Variants in GRIN1 observed in about 807,000 individuals in gnomAD.
The protein encoded by GRIN1 is glutamate receptor ionotropic, NMDA 1.
GRIN1 carries 38 observed loss-of-function variants against 103.0 expected under a neutral mutation model. That is an observed-to-expected ratio of 0.37 (90% CI 0.28 to 0.48). The LOEUF is 0.48. Among genes scored for constraint, GRIN1 ranks in the 20% least tolerant of loss-of-function variants. The pLI is 0.98. For synonymous variants in GRIN1, 544 were observed against 532.7 expected (o/e 1.02, Z -0.29); for missense variants, 577 against 1,288.9 (o/e 0.45, Z 8.46).
chr9:137,160,523 G>A (rs532203567), intron 8 of GRIN1, among the ~76,000 whole-genome samples: 1 of 152,052 alleles, frequency 6.6e-6, no homozygotes, highest in African/African-American at 2.4e-5. Flanking sequence ...TCCGCCTCCC[G>A]GGTTCACGCC....
intron 8 of GRIN1, 120 bp downstream of exon 8, chr9:137,158,824 G>T: frequency 1.3e-6 from 1 of 768,224 alleles, no homozygotes; most frequent in Non-Finnish European, 2.3e-6. Context: ...GTGGGGGTGG[G>T]GCCTGCTTCC....
chr9:137,150,970 G>A (rs1464866666), intron 4 of GRIN1, among the ~76,000 whole-genome samples: 2 of 97,404 alleles, frequency 2.1e-5, no homozygotes, highest in Non-Finnish European at 2.0e-5. Context: ...CCCAGGGAAA[G>A]CCCAGCCCAG....
intron 4 of GRIN1, among the ~76,000 whole-genome samples, chr9:137,151,442 GAGAAAGCCCAACCCAGA>G (rs1171698867): frequency 1.4e-5 from 2 of 142,222 alleles, no homozygotes; most frequent in Non-Finnish European, 3.0e-5. Context: ...GACCAGCCCA[GAGAAAGCCCAACCCAGA>G]AGAAAGCCCC....
chr9:137,167,590 G>A lies in GRIN1; in HGVS notation c.*63G>A. 1 of 1,434,122 alleles carries A rather than the reference G, an allele frequency of 7.0e-7. No homozygotes were observed. The highest frequency in any genetic ancestry group is 3.1e-5 in the East Asian group (1 of 32,590). 88.8% of individuals were successfully genotyped at this position (1,434,122 alleles called of 1,614,324 possible). On this transcript the variant is annotated 3_prime_UTR_variant, in exon 20 of 20. Coordinates refer to ENST00000371561, the MANE Select transcript of GRIN1 (RefSeq NM_007327.4). ...GACAGACAGACAGACGGACGGGACAGCGGCCCGGCCCACGCAGAGCCCCGG... is the reference window on the plus strand; with the variant it reads ...GACAGACAGACAGACGGACGGGACAACGGCCCGGCCCACGCAGAGCCCCGG...
chr9:137,154,120 TTCTTTTTTTTTTG>T (rs1364216651), intron 4 of GRIN1, among the ~76,000 whole-genome samples: 1 of 149,084 alleles, frequency 6.7e-6, no homozygotes, highest in East Asian at 2.0e-4. Flanking sequence ...CTTTTTTTTT[TTCTTTTTTTTTTG>T]TGTGTGTGTG....
chr9:137,166,533 G>T (rs1833886720), intron 19 of GRIN1, among the ~76,000 whole-genome samples: 1 of 152,126 alleles, frequency 6.6e-6, no homozygotes, highest in South Asian at 2.1e-4. Flanking sequence ...TGCACTGGAA[G>T]CGGGGCAGAC....
At chr9:137,156,580 C>T (rs961833893) in intron 4 of GRIN1, 89 bp from the exon 5 acceptor site, 2 of 1,525,922 alleles carry the variant, frequency 1.3e-6, no homozygotes, top group Non-Finnish European at 1.8e-6. Context: ...CTGGGCAGGT[C>T]CCTGCTCCAG....
At chr9:137,147,764 G>A (rs1013713198) in intron 3 of GRIN1, among the ~76,000 whole-genome samples, 4 of 152,372 alleles carry the variant, frequency 2.6e-5, no homozygotes, top group African/African-American at 7.2e-5. Flanking sequence ...GCCCCGGGGG[G>A]GCTGCTCACC....
intron 19 of GRIN1, among the ~76,000 whole-genome samples, chr9:137,167,209 C>G (rs1265306348): frequency 6.6e-6 from 1 of 152,018 alleles, no homozygotes; most frequent in South Asian, 2.1e-4. Context: ...CAGCTCCCAC[C>G]TGGTCTCTGG....
At chr9:137,154,613 C>G (rs532103003) in intron 4 of GRIN1, among the ~76,000 whole-genome samples, 1 of 151,752 alleles carries the variant, frequency 6.6e-6, no homozygotes, top group African/African-American at 2.4e-5. Flanking sequence ...GCCACCACCC[C>G]GGCTAATTTT....
chr9:137,141,974 AC>A (rs1260885485), intron 1 of GRIN1, 38 bp from the exon 2 acceptor site: 11 of 1,612,628 alleles, frequency 6.8e-6, no homozygotes, highest in Non-Finnish European at 9.3e-6. Context: ...TGCCTGGCTC[AC>A]CCCTGACTCA....
chr9:137,159,242 G>T (rs751262679), intron 8 of GRIN1, among the ~76,000 whole-genome samples: 2 of 152,006 alleles, frequency 1.3e-5, no homozygotes, highest in Non-Finnish European at 2.9e-5. Flanking sequence ...TGCTCTCCTG[G>T]CCATTCCTCC....
intron 2 of GRIN1, among the ~76,000 whole-genome samples, chr9:137,144,381 G>C (rs572918875): frequency 6.6e-6 from 1 of 150,798 alleles, no homozygotes; most frequent in Non-Finnish European, 1.5e-5. Context: ...TTGGCCGGGC[G>C]CGGTGGCTCA....
intron 4 of GRIN1, among the ~76,000 whole-genome samples, chr9:137,150,918 G>GAAA (rs1832834374): frequency 1.2e-5 from 1 of 86,238 alleles, no homozygotes; most frequent in African/African-American, 4.6e-5. Flanking sequence ...CCTGCCCAGC[G>GAAA]AAAGCCTCGC....
intron 2 of GRIN1, among the ~76,000 whole-genome samples, chr9:137,143,973 C>G (rs1832317080): frequency 6.6e-6 from 1 of 152,246 alleles, no homozygotes; most frequent in Non-Finnish European, 1.5e-5. Context: ...CCAGGGCAAG[C>G]AAGCACCACG....
chr9:137,158,297 G>A, intron 6 of GRIN1, 82 bp from the exon 7 acceptor site: 1 of 1,472,150 alleles, frequency 6.8e-7, no homozygotes, highest in Non-Finnish European at 9.5e-7. Context: ...GAAGGAGCAG[G>A]GAGAAGCAGC....
rs77812749 is a variant in GRIN1 at position 137,145,857 on chromosome 9, G to A, written c.525G>A (p.Ala175=). Residue 175 remains alanine (A), a synonymous_variant, in exon 3 of 20, where the codon GCG becomes GCA. Coordinates refer to ENST00000371561, the MANE Select transcript of GRIN1 (RefSeq NM_007327.4). ...LLVSDDHEGR[A]AQKRLETLLE... ...TCAGCGACGACCACGAGGGCCGGGC[G>A]GCTCAGAAACGCCTGGAGACGCTGC... 552 of 1,610,350 alleles carry A rather than the reference G, an allele frequency of 3.4e-4. 1 individual carries two copies. In the African/African-American group the frequency reaches 5.3e-3, roughly 16 times the overall value.
rs925180003 is a variant in GRIN1 at position 137,148,144 on chromosome 9, T to C, written c.571-865T>C. 1.3e-5 allele frequency: 19 copies of C among 1,516,488 alleles called. No individual in the cohort carries two copies. The Admixed American group carries it at 1.4e-4, about 11-fold the overall frequency. The allele number at this position is 1,516,488 out of a possible 1,614,324, so 93.9% of individuals were successfully genotyped here. ...CTGCATATTTTCTCTGTGCACATTA[T>C]TCATCAGAGTAAAAAAAGGAACTAT... On this transcript the variant is annotated intron_variant, in intron 3 of 19. Coordinates refer to ENST00000371561, the MANE Select transcript of GRIN1 (RefSeq NM_007327.4).
chr9:137,165,243 A>G lies in GRIN1; in HGVS notation c.2647A>G (p.Ile883Val). Residue 883 changes from isoleucine (I) to valine (V), a missense_variant, in exon 19 of 20, where the codon ATC (isoleucine) becomes GTC (valine). Coordinates refer to ENST00000371561, the MANE Select transcript of GRIN1 (RefSeq NM_007327.4). ...DPKKKATFRA[I>V]TSTLASSFKR... ...TAAAAAGAAAGCCACATTTAGGGCT[A>G]TCACCTCCACCCTGGCTTCCAGCTT... The G allele has an allele frequency of 1.2e-6, 2 of 1,612,822 alleles. No homozygotes were observed. The highest frequency in any genetic ancestry group is 1.7e-6 in the Non-Finnish European group (2 of 1,179,662).
Sources: allele counts gnomAD v4.1 joint callset (sites outside exome capture counted in the v4.1 genomes callset), GRCh38; gene constraint gnomAD v4.1.1; transcripts MANE v1.5; gene names NCBI Gene and HGNC (gene_info 2026-07-23, HGNC 2026-07-21).